The following DCC variants were observed in gnomAD, a reference collection of about 807,000 sequenced individuals.
The protein encoded by DCC is DCC netrin 1 receptor, also known as netrin receptor DCC.
A neutral mutation model predicts 172.5 loss-of-function variants in DCC; 58 were observed. The observed-to-expected ratio is 0.34, with a 90% CI of 0.27 to 0.42. The LOEUF (loss-of-function observed/expected upper bound fraction) is 0.42, where lower values mean the gene tolerates loss of function less well. Ranked by LOEUF, DCC falls within the 10% of genes least tolerant of loss-of-function variation. The pLI is 1.00. For synonymous variants in DCC, 709 were observed against 644.5 expected (o/e 1.10, Z -1.52); for missense variants, 1,740 against 1,791.0 (o/e 0.97, Z 0.51).
In DCC at chr18:53,207,756, T is replaced by A; in HGVS notation, c.1800T>A (p.Ala600=). The A allele has an allele frequency of 6.2e-7, 1 of 1,613,046 alleles. No homozygotes were observed. The highest frequency in any genetic ancestry group is 1.1e-5 in the South Asian group (1 of 91,074). Residue 600 remains alanine, a synonymous_variant, in exon 11 of 29, where the codon GCT becomes GCA. Coordinates refer to ENST00000442544, the MANE Select transcript of DCC (RefSeq NM_005215.4). The part of the protein sequence containing the change: ...KFTEYSLRFL[A]YNRYGPGVST... ...CCGAATATAGTCTTCGATTCTTAGCTTATAATCGCTATGGTCCGGGCGTCT... is the reference window on the plus strand; with the variant it reads ...CCGAATATAGTCTTCGATTCTTAGCATATAATCGCTATGGTCCGGGCGTCT...
At chr18:52,748,581 T>A (rs1470086017) in intron 1 of DCC, among the ~76,000 whole-genome samples, 1 of 152,218 alleles carries the variant, frequency 6.6e-6, no homozygotes, top group African/African-American at 2.4e-5. Context: ...CCGGCCCCAC[T>A]GCAGCTTCTT....
intron 5 of DCC, among the ~76,000 whole-genome samples, chr18:53,028,244 G>A (rs988494646): frequency 6.6e-6 from 1 of 152,000 alleles, no homozygotes; most frequent in Admixed American, 6.6e-5. Flanking sequence ...ATTAGCAGCA[G>A]CACTCTTTTC....
At chr18:53,415,266 C>T (rs978646376) in intron 20 of DCC, among the ~76,000 whole-genome samples, 7 of 152,082 alleles carry the variant, frequency 4.6e-5, no homozygotes, top group African/African-American at 7.2e-5. Flanking sequence ...AGGAAGCAAT[C>T]GGCAAGTGTT....
In DCC at chr18:52,715,634, C is replaced by T. The variant is rs557727379; in HGVS notation, c.92-36420C>T. Among the ~76,000 whole-genome samples, 8 of 152,144 alleles carry T rather than the reference C, an allele frequency of 5.3e-5. No individual in the cohort carries two copies. The South Asian group carries it at 1.0e-3, about 20-fold the overall frequency. ...CTACATTTTTTCTGAGGCTGACTTCCGAGGGCTGCTGGGAATCCCTGCAGT... is the reference window on the plus strand; with the variant it reads ...CTACATTTTTTCTGAGGCTGACTTCTGAGGGCTGCTGGGAATCCCTGCAGT... On this transcript the variant is annotated intron_variant, in intron 1 of 28. Coordinates refer to ENST00000442544, the MANE Select transcript of DCC (RefSeq NM_005215.4).
chr18:52,590,710 C>T (rs1144093), intron 1 of DCC, among the ~76,000 whole-genome samples: 36,922 of 152,138 alleles, frequency 0.24, 4,598 homozygotes, highest in African/African-American at 0.29. Flanking sequence ...ACCAGTGGCC[C>T]GATTCCCAGT....
chr18:52,570,885 A>T (rs1315859428), intron 1 of DCC, among the ~76,000 whole-genome samples: 2 of 151,996 alleles, frequency 1.3e-5, no homozygotes, highest in Admixed American at 6.6e-5. Flanking sequence ...TGTTTTATTA[A>T]TTTTTTTGGT....
chr18:53,098,835 C>G (rs1354493264), intron 7 of DCC, among the ~76,000 whole-genome samples: 1 of 152,010 alleles, frequency 6.6e-6, no homozygotes, highest in Non-Finnish European at 1.5e-5. Flanking sequence ...ACGGGAGACC[C>G]CATCCCTACA....
intron 12 of DCC, among the ~76,000 whole-genome samples, chr18:53,300,995 T>TCTTTCTTTCTTTCTTTCTTTC (rs1355549524): frequency 1.8e-5 from 2 of 109,544 alleles, no homozygotes; most frequent in East Asian, 2.7e-4. Context: ...CTTTCTTTTT[T>TCTTTCTTTCTTTCTTTCTTTC]TTTCTTTTCT....
intron 5 of DCC, among the ~76,000 whole-genome samples, chr18:53,060,009 ATTTT>A (rs556823473): frequency 6.8e-6 from 1 of 146,422 alleles, no homozygotes; most frequent in African/African-American, 2.5e-5. Flanking sequence ...ACTTAGACTC[ATTTT>A]TTTTTTTTAA....
chr18:53,385,831 G>A (rs962588413), intron 15 of DCC, among the ~76,000 whole-genome samples: 8 of 152,148 alleles, frequency 5.3e-5, no homozygotes, highest in Non-Finnish European at 7.3e-5. Flanking sequence ...CTACCTAGTA[G>A]TTCAGTATGT....
chr18:52,575,098 T>C lies in DCC; in HGVS notation c.92-176956T>C, dbSNP rs565777672. ...ATGACATCTGGAATTTAGCAGCCCA[T>C]TTATGTTATTACTTTTTGTTGTTGC... On this transcript the variant is annotated intron_variant, in intron 1 of 28. Coordinates refer to ENST00000442544, the MANE Select transcript of DCC (RefSeq NM_005215.4). Among the ~76,000 whole-genome samples, 593 of 152,242 alleles carry C rather than the reference T, an allele frequency of 3.9e-3. 3 individuals carry two copies. Among genetic ancestry groups the C allele is most frequent in the African/African-American group, 0.013 (560 of 41,546 alleles).
intron 2 of DCC, among the ~76,000 whole-genome samples, chr18:52,815,437 C>CACACACACAT (rs200788100): frequency 2.5e-4 from 37 of 150,542 alleles, no homozygotes; most frequent in African/African-American, 8.1e-4. Flanking sequence ...CACACACACA[C>CACACACACAT]GTTCTCTCTC....
At chr18:53,079,416 CT>C (rs1217447685) in intron 7 of DCC, among the ~76,000 whole-genome samples, 2 of 152,048 alleles carry the variant, frequency 1.3e-5, no homozygotes, top group African/African-American at 2.4e-5. Flanking sequence ...GGAAATTCAA[CT>C]GATAAAAATG....
intron 1 of DCC, among the ~76,000 whole-genome samples, chr18:52,706,080 C>T (rs1013360943): frequency 1.6e-4 from 24 of 152,082 alleles, no homozygotes; most frequent in Admixed American, 1.0e-3. Context: ...ATGGAAATCA[C>T]GTCTGATCCC....
At position 52,428,193 on chromosome 18, in the gene DCC, C is replaced by T. The variant is rs937643071; in HGVS notation, c.91+87315C>T. 3.3e-5 allele frequency among the ~76,000 whole-genome samples: 5 copies of T among 152,060 alleles called. No individual in the cohort carries two copies. In the East Asian group the frequency reaches 7.7e-4, roughly 23 times the overall value. Reference sequence around the variant, plus strand: ...GCCTCTCTACATGCATATTGATCAGCTTTCTGATTTCTTTCCCTGAGAATA... The same window carrying T: ...GCCTCTCTACATGCATATTGATCAGTTTTCTGATTTCTTTCCCTGAGAATA... On this transcript the variant is annotated intron_variant, in intron 1 of 28. Coordinates refer to ENST00000442544, the MANE Select transcript of DCC (RefSeq NM_005215.4).
intron 1 of DCC, among the ~76,000 whole-genome samples, chr18:52,626,915 C>T (rs2034583980): frequency 6.6e-6 from 1 of 152,056 alleles, no homozygotes; most frequent in Non-Finnish European, 1.5e-5. Flanking sequence ...ATTTTGGAAT[C>T]CATGGAGGGT....
At chr18:52,956,052 G>T (rs1428228406) in intron 5 of DCC, among the ~76,000 whole-genome samples, 1 of 151,806 alleles carries the variant, frequency 6.6e-6, no homozygotes, top group East Asian at 1.9e-4. Flanking sequence ...TCACAGAACA[G>T]AGGTTTTTAA....
At chr18:52,553,091 G>T (rs1224943319) in intron 1 of DCC, among the ~76,000 whole-genome samples, 3 of 152,136 alleles carry the variant, frequency 2.0e-5, no homozygotes, top group Admixed American at 1.3e-4. Context: ...AAATCTGATA[G>T]TAAAGGGTTA....
intron 3 of DCC, among the ~76,000 whole-genome samples, chr18:52,916,467 G>A (rs778300574): frequency 6.6e-6 from 1 of 152,312 alleles, no homozygotes; most frequent in East Asian, 1.9e-4. Context: ...GATTGGTGGT[G>A]AGAGTAGCAA....
Sources: allele counts gnomAD v4.1 joint callset (sites outside exome capture counted in the v4.1 genomes callset), GRCh38; gene constraint gnomAD v4.1.1; transcripts MANE v1.5; gene names NCBI Gene and HGNC (gene_info 2026-07-23, HGNC 2026-07-21).